Variants in UGT1A5 observed in about 807,000 individuals in gnomAD.
UGT1A5 encodes UDP glucuronosyltransferase family 1 member A5.
Under a neutral mutation model 40.3 loss-of-function variants are expected in UGT1A5, and 29 were observed. The observed-to-expected ratio is 0.72, with a 90% CI of 0.54 to 0.98. The LOEUF is 0.98. Among genes scored for constraint, UGT1A5 ranks in the 50% least tolerant of loss-of-function variants. The probability of loss-of-function intolerance (pLI) is 0.00; values close to 1 mark genes in which losing one functional copy is unlikely to be tolerated. For missense variants in UGT1A5, 678 were observed against 677.9 expected (o/e 1.00, Z 0.00); for synonymous variants, 257 against 262.5 (o/e 0.98, Z 0.20).
At chr2:233,715,877 G>A (rs2076474455) in intron 1 of UGT1A5, among the ~76,000 whole-genome samples, 1 of 152,174 alleles carries the variant, frequency 6.6e-6, no homozygotes, top group Non-Finnish European at 1.5e-5. Context: ...TTGTGCCTGT[G>A]GCCCCAGCTA....
rs923057819 is a variant in UGT1A5 at position 233,747,207 on chromosome 2, T to G, written c.868-19827T>G. ...TGGACAGTCAGCTGTCCGTGTCTTC[T>G]GCTGAGATGGCCACAGGACCCCAGG... On this transcript the variant is annotated intron_variant, in intron 1 of 4. Transcript: ENST00000373414. The G allele has an allele frequency of 3.1e-6, 5 of 1,605,116 alleles. No individual in the cohort carries two copies. In the African/African-American group the frequency reaches 4.0e-5, roughly 13 times the overall value.
At chr2:233,717,369 C>T (rs1261511605) in intron 1 of UGT1A5, among the ~76,000 whole-genome samples, 1 of 152,214 alleles carries the variant, frequency 6.6e-6, no homozygotes, top group Non-Finnish European at 1.5e-5. Context: ...GTTCTCAAGC[C>T]CTTACAGACC....
chr2:233,719,730 C>T (rs2011219), intron 1 of UGT1A5: 110,168 of 1,613,484 alleles, frequency 0.068, 5,029 homozygotes, highest in South Asian at 0.18. Flanking sequence ...CCAGGCAAAA[C>T]ACTTTTTAAA....
At chr2:233,742,158 AC>A (rs1177147410) in intron 1 of UGT1A5, among the ~76,000 whole-genome samples, 1 of 151,894 alleles carries the variant, frequency 6.6e-6, no homozygotes, top group Non-Finnish European at 1.5e-5. Flanking sequence ...CGAATTAAAG[AC>A]ACACACACAG....
intron 1 of UGT1A5, among the ~76,000 whole-genome samples, chr2:233,764,582 C>G (rs1698598624): frequency 6.6e-6 from 1 of 152,122 alleles, no homozygotes; most frequent in South Asian, 2.1e-4. Context: ...TAGACTCGGC[C>G]TTTTCCAGAT....
chr2:233,743,894 A>G, intron 1 of UGT1A5: 2 of 1,366,966 alleles, frequency 1.5e-6, no homozygotes, highest in Non-Finnish European at 9.8e-7. Context: ...GGGCACGTCC[A>G]GCACCTCGTA....
At chr2:233,718,922 G>A (rs1204171284) in intron 1 of UGT1A5, 3 of 1,614,120 alleles carry the variant, frequency 1.9e-6, no homozygotes, top group Non-Finnish European at 2.5e-6. Context: ...TGTTGGTGGT[G>A]CCCACTGATG....
chr2:233,730,580 A>G (rs954835717), intron 1 of UGT1A5, among the ~76,000 whole-genome samples: 1 of 152,190 alleles, frequency 6.6e-6, no homozygotes, highest in Admixed American at 6.5e-5. Flanking sequence ...TTCAGTTTCC[A>G]GACAGGGATC....
chr2:233,751,453 T>C (rs1694732697), intron 1 of UGT1A5, among the ~76,000 whole-genome samples: 2 of 152,190 alleles, frequency 1.3e-5, no homozygotes, highest in African/African-American at 4.8e-5. Flanking sequence ...GGAAGATTGT[T>C]GGGAAGGCAC....
At position 233,723,541 on chromosome 2, in the gene UGT1A5, TA is replaced by T. The variant is rs1455161715; in HGVS notation, c.867+9684del. 2.1e-4 allele frequency among the ~76,000 whole-genome samples: 28 copies of T among 134,814 alleles called. No individual in the cohort carries two copies. The East Asian group carries it at 3.0e-3, about 15-fold the overall frequency. 88.4% of individuals were successfully genotyped at this position (134,814 alleles called of 152,430 possible). Reference sequence around the variant, plus strand: ...CTTTTTTTTTTTTTTTTTTTTAATTTATTTTTTTATTGATAATTCTTGGGTG... The same window carrying T: ...CTTTTTTTTTTTTTTTTTTTTAATTTTTTTTTTATTGATAATTCTTGGGTG... On this transcript the variant is annotated intron_variant, in intron 1 of 4. Transcript: ENST00000373414.
chr2:233,737,106 C>A (rs1413707543), intron 1 of UGT1A5, among the ~76,000 whole-genome samples: 1 of 152,198 alleles, frequency 6.6e-6, no homozygotes, highest in African/African-American at 2.4e-5. Flanking sequence ...TCTGCTGTTC[C>A]CCACATGTTC....
chr2:233,772,820 C>T lies in UGT1A5; in HGVS notation c.*261C>T. The T allele has an allele frequency of 1.0e-6, 1 of 980,900 alleles. No individual in the cohort carries two copies. The highest frequency in any genetic ancestry group is 3.1e-5 in the Admixed American group (1 of 31,764). 60.8% of individuals were successfully genotyped at this position (980,900 alleles called of 1,614,324 possible). A position where few individuals can be genotyped will look rare whatever the true frequency, so the allele number is the denominator to read the frequency against. On this transcript the variant is annotated 3_prime_UTR_variant, in exon 5 of 5. Coordinates refer to ENST00000373414, the MANE Select transcript of UGT1A5 (RefSeq NM_019078.2). ...TGCCATTTTTCAGAGGACGTGCAGA[C>T]AGGCTGGCATTCTAGATTACTTTTC...
intron 1 of UGT1A5, among the ~76,000 whole-genome samples, chr2:233,740,338 G>A (rs1156245808): frequency 6.6e-6 from 1 of 151,948 alleles, no homozygotes; most frequent in Non-Finnish European, 1.5e-5. Context: ...TGAGAAAGTT[G>A]ATGAGAAAGT....
chr2:233,741,958 T>C (rs4663965), intron 1 of UGT1A5: 83,397 of 151,744 alleles, frequency 0.55, 25,208 homozygotes, highest in African/African-American at 0.8. Flanking sequence ...GGTACTTTCT[T>C]GTTGTGTTTA....
chr2:233,714,550 T>C (rs1403377657), intron 1 of UGT1A5, among the ~76,000 whole-genome samples: 5 of 152,252 alleles, frequency 3.3e-5, no homozygotes, highest in African/African-American at 7.2e-5. Context: ...AAGTGTCCAA[T>C]AGAAATATCA....
At chr2:233,725,113 T>A (rs1198574402) in intron 1 of UGT1A5, among the ~76,000 whole-genome samples, 1 of 138,758 alleles carries the variant, frequency 7.2e-6, no homozygotes, top group African/African-American at 2.9e-5. Flanking sequence ...GGCAGGGAGG[T>A]TGCAGTGAGC....
chr2:233,727,759 G>T (rs2077649754), intron 1 of UGT1A5, among the ~76,000 whole-genome samples: 1 of 152,172 alleles, frequency 6.6e-6, no homozygotes. Flanking sequence ...CTGCCCTTGA[G>T]CTGGGTGTCC....
At chr2:233,719,705 C>T (rs774192845) in intron 1 of UGT1A5, 50 of 1,613,844 alleles carry the variant, frequency 3.1e-5, no homozygotes, top group Middle Eastern at 1.7e-4. Context: ...TTGGTGCCTT[C>T]ATCCAATCAA....
intron 4 of UGT1A5, 105 bp downstream of exon 4, chr2:233,768,544 T>TA: frequency 7.0e-7 from 1 of 1,425,890 alleles, no homozygotes; most frequent in East Asian, 2.6e-5. Flanking sequence ...GTTTCAAATA[T>TA]AAAAACAAAT....
Sources: gnomAD v4.1 joint callset for allele counts (sites outside exome capture counted in the v4.1 genomes callset) on GRCh38, gnomAD v4.1.1 for gene constraint, MANE v1.5 for transcripts, NCBI Gene and HGNC (gene_info 2026-07-23, HGNC 2026-07-21) for gene names.